The following MDM2 variants were observed in gnomAD, a reference collection of about 807,000 sequenced individuals.
The protein encoded by MDM2 is MDM2 proto-oncogene.
A neutral mutation model predicts 64.3 loss-of-function variants in MDM2; 11 were observed. The ratio of observed to expected loss-of-function variants is 0.17; its 90% CI spans 0.11 to 0.28. The LOEUF (loss-of-function observed/expected upper bound fraction) is 0.28. Among genes scored for constraint, MDM2 ranks in the 10% least tolerant of loss-of-function variants. The pLI, the probability that MDM2 is intolerant of heterozygous loss-of-function variation, is 1.00. For missense variants in MDM2, 388 were observed against 577.1 expected (o/e 0.67, Z 3.36); for synonymous variants, 194 against 192.9 (o/e 1.01, Z -0.05).
intron 3 of MDM2, among the ~76,000 whole-genome samples, chr12:68,814,375 G>A (rs1022782740): frequency 1.3e-5 from 2 of 152,190 alleles, no homozygotes; most frequent in Non-Finnish European, 2.9e-5. Context: ...TCTTGATATA[G>A]TGAGGAATAT....
At chr12:68,825,078 C>T (rs996352765) in intron 7 of MDM2, among the ~76,000 whole-genome samples, 5 of 151,942 alleles carry the variant, frequency 3.3e-5, no homozygotes, top group Non-Finnish European at 5.9e-5. Context: ...GGCCTGGTGG[C>T]GCACACTTGT....
In MDM2 at chr12:68,840,079, T is replaced by C; in HGVS notation, c.*230T>C. The C allele has an allele frequency of 4.2e-6, 2 of 474,882 alleles. No individual in the cohort carries two copies. The highest frequency in any genetic ancestry group is 7.3e-6 in the Non-Finnish European group (2 of 272,274). The allele number at this position is 474,882 out of a possible 1,614,324, so 29.4% of individuals were successfully genotyped here. ...CCAACTCCTAATTTTAAATAATTTC[T>C]ACTCTGTCTTAAATGAGAAGTACTT... is the stretch of plus-strand genomic sequence containing the variant. On this transcript the variant is annotated 3_prime_UTR_variant, in exon 11 of 11. Coordinates refer to ENST00000258149, the MANE Select transcript of MDM2 (RefSeq NM_002392.6).
intron 7 of MDM2, among the ~76,000 whole-genome samples, chr12:68,826,037 A>G (rs1194653664): frequency 6.6e-6 from 1 of 152,240 alleles, no homozygotes; most frequent in East Asian, 1.9e-4. Flanking sequence ...TCTGTATTAC[A>G]TAAAAAGTCT....
In MDM2 at chr12:68,828,862, G is replaced by C. The variant is rs561760184; in HGVS notation, c.615G>C (p.Leu205=). The change falls in exon 8 of 11, where the codon CTG becomes CTC. Residue 205 remains leucine, a synonymous_variant. Coordinates refer to ENST00000258149, the MANE Select transcript of MDM2 (RefSeq NM_002392.6). ...TTTCCTTTGATGAAAGCCTGGCTCT[G>C]TGTGTAATAAGGGAGATATGTTGTG... ...ISLSFDESLA[L]CVIREICCER... The C allele has an allele frequency of 1.8e-5, 29 of 1,614,032 alleles. No homozygotes were observed. In the East Asian group the frequency reaches 6.2e-4, roughly 35 times the overall value.
chr12:68,828,584 TAAATAAAC>T, intron 7 of MDM2, 179 bp from the exon 8 acceptor site: 2 of 518,806 alleles, frequency 3.9e-6, no homozygotes, highest in South Asian at 4.8e-5. Flanking sequence ...AGACAATAAA[TAAATAAAC>T]AAATAAATAA....
intron 4 of MDM2, among the ~76,000 whole-genome samples, chr12:68,819,531 G>T (rs755225422): frequency 6.6e-6 from 1 of 152,038 alleles, no homozygotes; most frequent in South Asian, 2.1e-4. Flanking sequence ...TGCTCTTGTT[G>T]CCCAGGCTGG....
chr12:68,845,767 T>C (rs918387282), downstream of MDM2: 35 of 156,078 alleles, frequency 2.2e-4, no homozygotes, highest in African/African-American at 7.9e-4. Context: ...TTTCACCTTT[T>C]GTTTGTTTTG....
Position 68,808,472 on chromosome 12 carries a change from C to T in MDM2, c.-6C>T, listed in dbSNP as rs1005562881. On this transcript the variant is annotated 5_prime_UTR_variant, in exon 1 of 11. Transcript: ENST00000258149. ...GGACCCCCGACTCCAAGCGCGAAAA[C>T]CCCGGATGGTGAGGAGCAGGTACTG... 9.3e-6 allele frequency: 15 copies of T among 1,614,006 alleles called. No homozygotes were observed. In the Admixed American group the frequency reaches 1.2e-4, roughly 13 times the overall value.
chr12:68,814,263 A>G (rs988437970), intron 3 of MDM2, among the ~76,000 whole-genome samples: 2 of 152,200 alleles, frequency 1.3e-5, no homozygotes, highest in Non-Finnish European at 2.9e-5. Context: ...CATGTTGGCC[A>G]GGCTGGTCTT....
rs559334299 is a variant in MDM2 at position 68,844,742 on chromosome 12, T to A, written c.*4893T>A. The A allele has an allele frequency of 2.9e-4, 62 of 210,410 alleles. No homozygotes were observed. The highest frequency in any genetic ancestry group is 1.2e-3 in the Admixed American group (21 of 16,972). The allele number at this position is 210,410 out of a possible 1,614,324, so 13.0% of individuals were successfully genotyped here. On this transcript the variant is annotated 3_prime_UTR_variant, in exon 11 of 11. Transcript: ENST00000258149. ...TTGGCATTATATAATTAAGATTTTT[T>A]AAATCCTTAATAAGGGTTTTATTTT... is the stretch of plus-strand genomic sequence containing the variant.
intron 3 of MDM2, chr12:68,814,598 C>G: frequency 5.0e-6 from 2 of 403,048 alleles, no homozygotes; most frequent in Non-Finnish European, 9.6e-6. Flanking sequence ...TGAATTCTAT[C>G]CAAGGACTTC....
At position 68,841,124 on chromosome 12, in the gene MDM2, A is replaced by G; in HGVS notation, c.*1275A>G. The G allele has an allele frequency of 5.3e-6, 1 of 190,084 alleles. No individual in the cohort carries two copies. Among genetic ancestry groups the G allele is most frequent in the Admixed American group, 6.2e-5 (1 of 16,208 alleles). 11.8% of individuals were successfully genotyped at this position (190,084 alleles called of 1,614,324 possible). ...GCCTCCCAAAATGCTGGGATTACAG[A>G]TGTGAGGCACCTGGCCTCAGATTTT... On this transcript the variant is annotated 3_prime_UTR_variant, in exon 11 of 11. Coordinates refer to ENST00000258149, the MANE Select transcript of MDM2 (RefSeq NM_002392.6).
intron 3 of MDM2, chr12:68,815,862 G>A (rs1881327656): frequency 6.1e-6 from 1 of 163,326 alleles, no homozygotes; most frequent in Admixed American, 6.4e-5. Flanking sequence ...TTGTTAATAG[G>A]TTTATATCTG....
chr12:68,836,347 C>T (rs1175372457), intron 9 of MDM2, among the ~76,000 whole-genome samples: 2 of 152,080 alleles, frequency 1.3e-5, no homozygotes, highest in Non-Finnish European at 2.9e-5. Flanking sequence ...AGATCTGTTT[C>T]CCAGAAGTGA....
At chr12:68,816,614 C>T (rs748061526) in intron 3 of MDM2, among the ~76,000 whole-genome samples, 198 bp from the exon 4 acceptor site, 14 of 152,200 alleles carry the variant, frequency 9.2e-5, no homozygotes, top group South Asian at 2.1e-4. Flanking sequence ...GCTTCGGCCT[C>T]CCGAAGTACT....
chr12:68,808,972 G>A, intron 1 of MDM2: 1 of 1,416,242 alleles, frequency 7.1e-7, no homozygotes, highest in East Asian at 2.5e-5. Context: ...GTTAAGTCCT[G>A]ACTTGTCTCC....
rs1884052711 is a variant in MDM2 at position 68,844,086 on chromosome 12, C to T, written c.*4237C>T. The T allele has an allele frequency of 4.8e-6, 1 of 206,586 alleles. No homozygotes were observed. Among genetic ancestry groups the T allele is most frequent in the Admixed American group, 6.0e-5 (1 of 16,784 alleles). The allele number at this position is 206,586 out of a possible 1,614,324, so 12.8% of individuals were successfully genotyped here. On this transcript the variant is annotated 3_prime_UTR_variant, in exon 11 of 11. Transcript: ENST00000258149. ...ACAGCTATTTTTACAAAATTTAAAT[C>T]TGCAAATGGATTCAACATGTTTATG...
At position 68,842,655 on chromosome 12, in the gene MDM2, A is replaced by G. The variant is rs1883882176; in HGVS notation, c.*2806A>G. ...TATTTGGTTAATGGTACTAGACAAC[A>G]TGTAATTAATGACATTCAAAAATTT... On this transcript the variant is annotated 3_prime_UTR_variant, in exon 11 of 11. Coordinates refer to ENST00000258149, the MANE Select transcript of MDM2 (RefSeq NM_002392.6). 1 of 216,254 alleles carries G rather than the reference A, an allele frequency of 4.6e-6. No individual in the cohort carries two copies. Among genetic ancestry groups the G allele is most frequent in the African/African-American group, 2.3e-5 (1 of 43,896 alleles). 13.4% of individuals were successfully genotyped at this position (216,254 alleles called of 1,614,324 possible). A position where few individuals can be genotyped will look rare whatever the true frequency, so the allele number is the denominator to read the frequency against.
intron 10 of MDM2, among the ~76,000 whole-genome samples, chr12:68,837,752 T>G (rs976768314): frequency 1.3e-5 from 2 of 152,212 alleles, no homozygotes; most frequent in African/African-American, 4.8e-5. Flanking sequence ...TCATGCATAC[T>G]TCACTGAGTT....
Sources: allele counts gnomAD v4.1 joint callset (sites outside exome capture counted in the v4.1 genomes callset), GRCh38; gene constraint gnomAD v4.1.1; transcripts MANE v1.5; gene names NCBI Gene and HGNC (gene_info 2026-07-23, HGNC 2026-07-21).